Variants in CRB1 observed in about 807,000 individuals in gnomAD.
CRB1 encodes the protein protein crumbs homolog 1.
CRB1 carries 83 observed loss-of-function variants against 120.0 expected under a neutral mutation model. That is an observed-to-expected ratio of 0.69 (90% CI 0.58 to 0.83). The LOEUF (loss-of-function observed/expected upper bound fraction) is 0.83, where lower values mean the gene tolerates loss of function less well. CRB1 is among the 40% of genes least tolerant of loss of function. The probability of loss-of-function intolerance (pLI) is 0.00; values close to 1 mark genes in which losing one functional copy is unlikely to be tolerated. For missense variants in CRB1, 1,699 were observed against 1,687.6 expected (o/e 1.01, Z -0.12); for synonymous variants, 625 against 612.5 (o/e 1.02, Z -0.30).
At chr1:197,449,515 G>C (rs988538998) in intron 11 of CRB1, among the ~76,000 whole-genome samples, 7 of 151,900 alleles carry the variant, frequency 4.6e-5, no homozygotes, top group Admixed American at 1.3e-4. Flanking sequence ...TACAGGCGCC[G>C]GCCACCACGC....
chr1:197,363,198 A>C (rs1456008539), intron 5 of CRB1, among the ~76,000 whole-genome samples: 6 of 151,466 alleles, frequency 4.0e-5, no homozygotes, highest in Non-Finnish European at 8.8e-5. Context: ...TGGTGTTATA[A>C]TTTTTATTTT....
At chr1:197,462,001 A>G (rs1040424446) in intron 11 of CRB1, among the ~76,000 whole-genome samples, 1 of 152,198 alleles carries the variant, frequency 6.6e-6, no homozygotes, top group Non-Finnish European at 1.5e-5. Context: ...ACAGCATGCC[A>G]TGAATTGCAG....
rs1661141958 is a variant in CRB1, at chr1:197,367,583, T to C, written c.1171+10570T>C. On this transcript the variant is annotated intron_variant, in intron 5 of 11. Transcript: ENST00000367400. The stretch of plus-strand genomic sequence containing the variant: ...GCCAAGTGAAATTGGAAACAATTGA[T>C]ATGTCTTTCACGTGAACATTTCATT... 2.0e-5 allele frequency among the ~76,000 whole-genome samples: 3 copies of C among 152,236 alleles called. No homozygotes were observed. In the South Asian group the frequency reaches 6.2e-4, roughly 32 times the overall value.
At chr1:197,304,977 T>C (rs1657080832) in intron 1 of CRB1, among the ~76,000 whole-genome samples, 2 of 152,200 alleles carry the variant, frequency 1.3e-5, no homozygotes, top group South Asian at 2.1e-4. Flanking sequence ...GAGAGTTCTG[T>C]AGTGTTCTGT....
intron 1 of CRB1, among the ~76,000 whole-genome samples, chr1:197,296,299 T>A (rs944441326): frequency 1.3e-5 from 2 of 152,084 alleles, no homozygotes; most frequent in African/African-American, 4.8e-5. Context: ...AGCCTCACTT[T>A]CTTCATCTAT....
At chr1:197,319,259 T>TAGAAAAAAAAAA (rs1658035832) in intron 1 of CRB1, among the ~76,000 whole-genome samples, 1 of 49,064 alleles carries the variant, frequency 2.0e-5, no homozygotes. Flanking sequence ...CTGTCTCTAC[T>TAGAAAAAAAAAA]AAAAAAAAAA....
intron 5 of CRB1, among the ~76,000 whole-genome samples, chr1:197,419,291 G>A (rs894075454): frequency 6.6e-6 from 1 of 151,508 alleles, no homozygotes; most frequent in South Asian, 2.1e-4. Flanking sequence ...AATAAGACAT[G>A]CATATTAATA....
chr1:197,263,497 C>T (rs959778835), upstream of CRB1, among the ~76,000 whole-genome samples: 6 of 152,064 alleles, frequency 3.9e-5, no homozygotes, highest in African/African-American at 4.8e-5. Context: ...ATGATAGTTT[C>T]TTTTGCTGTG....
At chr1:197,414,897 GAAGTAAAAGCATAAATCGCTGTTTATC>G (rs1212135359) in intron 5 of CRB1, among the ~76,000 whole-genome samples, 1 of 152,124 alleles carries the variant, frequency 6.6e-6, no homozygotes, top group East Asian at 1.9e-4. Flanking sequence ...GATTTTAAGT[GAAGTAAAAGCATAAATCGCTGTTTATC>G]ATTCTACTTT....
chr1:197,258,124 A>G, the CRB1 span, among the ~76,000 whole-genome samples: 1 of 152,228 alleles, frequency 6.6e-6, no homozygotes, highest in Non-Finnish European at 1.5e-5. Context: ...TAGGGTGACT[A>G]TAGTTGCTAA....
chr1:197,442,544 A>G, intron 11 of CRB1: 1 of 1,438,578 alleles, frequency 7.0e-7, no homozygotes, highest in Non-Finnish European at 9.1e-7. Context: ...GGTAAATTCA[A>G]GGCTTATTTT....
intron 11 of CRB1, among the ~76,000 whole-genome samples, chr1:197,455,306 A>G (rs1666218445): frequency 6.6e-6 from 1 of 152,266 alleles, no homozygotes; most frequent in Non-Finnish European, 1.5e-5. Context: ...CAAACAATAA[A>G]GTTGACAGCA....
Position 197,305,903 on chromosome 1 carries a change from G to GA in CRB1, c.71-22506dup, listed in dbSNP as rs5779864. Among the ~76,000 whole-genome samples the GA allele has an allele frequency of 2.4e-3, 319 of 135,686 alleles. 1 individual carries two copies. The highest frequency in any genetic ancestry group is 0.022 in the East Asian group (105 of 4,840). The allele number at this position is 135,686 out of a possible 152,430, so 89.0% of individuals were successfully genotyped here. A position where few individuals can be genotyped will look rare whatever the true frequency, so the allele number is the denominator to read the frequency against. On this transcript the variant is annotated intron_variant, in intron 1 of 11. Transcript: ENST00000367400. ...GGAAACTGATATTTGAGATCTAATT[G>GA]AAAAAAAAAAAAACAAAAAGCAAGA... is the stretch of plus-strand genomic sequence containing the variant.
intron 9 of CRB1, chr1:197,438,078 A>T (rs1356865330): frequency 4.9e-6 from 1 of 203,334 alleles, no homozygotes; most frequent in Non-Finnish European, 1.0e-5. Context: ...TTACATAGGG[A>T]GCAGCAAGTC....
the CRB1 span, among the ~76,000 whole-genome samples, chr1:197,241,821 A>G: frequency 6.6e-6 from 1 of 151,924 alleles, no homozygotes; most frequent in Admixed American, 6.6e-5. Flanking sequence ...CTTCCCATCC[A>G]TGAGCATGGA....
intron 1 of CRB1, among the ~76,000 whole-genome samples, chr1:197,325,601 A>C (rs1658449239): frequency 6.6e-6 from 1 of 152,142 alleles, no homozygotes; most frequent in Non-Finnish European, 1.5e-5. Flanking sequence ...TTTTTCAAAT[A>C]ACGCCAACCA....
chr1:197,211,619 C>G, the CRB1 span, among the ~76,000 whole-genome samples: 4 of 152,236 alleles, frequency 2.6e-5, no homozygotes, highest in African/African-American at 9.6e-5. Flanking sequence ...AATCACTTCC[C>G]AAAATGCCTT....
At position 197,478,455 on chromosome 1, in the gene CRB1, A is replaced by G. The variant is rs1667296187; in HGVS notation, c.*576A>G. The G allele has an allele frequency of 6.3e-6, 1 of 158,060 alleles. No individual in the cohort carries two copies. Among genetic ancestry groups the G allele is most frequent in the African/African-American group, 2.4e-5 (1 of 41,484 alleles). 9.8% of individuals were successfully genotyped at this position (158,060 alleles called of 1,614,324 possible). A position where few individuals can be genotyped will look rare whatever the true frequency, so the allele number is the denominator to read the frequency against. ...TGGCAACAAATAAAAATTGAAATGC[A>G]GTTGTTCTCCTTTCTGAGTACTTTT... On this transcript the variant is annotated 3_prime_UTR_variant, in exon 12 of 12. Coordinates refer to ENST00000367400, the MANE Select transcript of CRB1 (RefSeq NM_201253.3).
chr1:197,231,693 T>C, the CRB1 span, among the ~76,000 whole-genome samples: 2 of 152,182 alleles, frequency 1.3e-5, no homozygotes, highest in Non-Finnish European at 2.9e-5. Flanking sequence ...AAAGTGGATA[T>C]ACCATGTATA....
Sources: gnomAD v4.1 joint callset for allele counts (sites outside exome capture counted in the v4.1 genomes callset) on GRCh38, gnomAD v4.1.1 for gene constraint, MANE v1.5 for transcripts, NCBI Gene and HGNC (gene_info 2026-07-23, HGNC 2026-07-21) for gene names.